WDR27: variants seen among roughly 807,000 people sequenced by gnomAD.
WDR27 encodes the protein WD repeat-containing protein 27.
WDR27 carries 100 observed loss-of-function variants against 114.4 expected under a neutral mutation model. The ratio of observed to expected loss-of-function variants is 0.87; its 90% confidence interval spans 0.74 to 1.03. The LOEUF (loss-of-function observed/expected upper bound fraction) is 1.03, where lower values mean the gene tolerates loss of function less well. Ranked by LOEUF, WDR27 falls within the 50% of genes least tolerant of loss-of-function variation. WDR27 has a pLI of 0.00. For missense variants in WDR27, 1,129 were observed against 1,092.9 expected (o/e 1.03, Z -0.47); for synonymous variants, 449 against 423.1 (o/e 1.06, Z -0.75).
intron 25 of WDR27, among the ~76,000 whole-genome samples, chr6:169,465,257 T>TAAAAA (rs1785412229): frequency 5.0e-5 from 1 of 19,904 alleles, no homozygotes. Flanking sequence ...AAACTCCATC[T>TAAAAA]CAAAAAAAAA....
At position 169,658,982 on chromosome 6, in the gene WDR27, C is replaced by T. The variant is rs144841572; in HGVS notation, c.1319+104G>A. ...GATTATAGGCGTGAGCCACCGCGCC[C>T]GGCCAGAGCTCAGAGTTTTCTAATC... is the stretch of plus-strand genomic sequence containing the variant. On this transcript the variant is annotated intron_variant, in intron 12 of 25. Transcript: ENST00000448612. 3.7e-4 allele frequency: 535 copies of T among 1,432,714 alleles called. 4 individuals are homozygous for T. In the East Asian group the frequency reaches 0.01, roughly 27 times the overall value. 88.8% of individuals were successfully genotyped at this position (1,432,714 alleles called of 1,614,324 possible).
At chr6:169,592,861 G>T (rs186733165) in intron 23 of WDR27, among the ~76,000 whole-genome samples, 1 of 152,252 alleles carries the variant, frequency 6.6e-6, no homozygotes, top group East Asian at 1.9e-4. Context: ...CTTTTACCGG[G>T]TGTTTTAGCA....
rs368918000 is a variant in WDR27 at position 169,657,569 on chromosome 6, G to C, written c.1402+707C>G. On this transcript the variant is annotated intron_variant, in intron 13 of 25. Transcript: ENST00000448612. ...GCCTCCGTTTTTCAAATGAGGTCCA[G>C]TAGGTTTCACAAGACCAATTAAAGG... Among the ~76,000 whole-genome samples, 11 of 152,222 alleles carry C rather than the reference G, an allele frequency of 7.2e-5. No homozygotes were observed. In the South Asian group the frequency reaches 2.3e-3, roughly 31 times the overall value.
At chr6:169,646,936 A>C (rs1282170710) in intron 16 of WDR27, among the ~76,000 whole-genome samples, 1 of 152,194 alleles carries the variant, frequency 6.6e-6, no homozygotes, top group Admixed American at 6.5e-5. Flanking sequence ...AATAAAATAA[A>C]GGGAATTTAG....
intron 8 of WDR27, among the ~76,000 whole-genome samples, 151 bp from the exon 9 acceptor site, chr6:169,662,575 C>G (rs1211254867): frequency 1.3e-5 from 2 of 152,022 alleles, no homozygotes; most frequent in Non-Finnish European, 2.9e-5. Context: ...AGGTAACACC[C>G]AGCATGACGC....
chr6:169,593,256 G>A (rs970727823), intron 23 of WDR27, among the ~76,000 whole-genome samples: 3 of 152,114 alleles, frequency 2.0e-5, no homozygotes, highest in Non-Finnish European at 2.9e-5. Flanking sequence ...ACATGGGCCT[G>A]GTACTATTTC....
At chr6:169,554,317 G>C (rs1406240035) in intron 25 of WDR27, among the ~76,000 whole-genome samples, 1 of 152,168 alleles carries the variant, frequency 6.6e-6, no homozygotes, top group Non-Finnish European at 1.5e-5. Flanking sequence ...CTAAGGGAAA[G>C]GTTGATGGTG....
At chr6:169,483,737 A>G (rs1788511449) in intron 25 of WDR27, among the ~76,000 whole-genome samples, 1 of 151,990 alleles carries the variant, frequency 6.6e-6, no homozygotes, top group Non-Finnish European at 1.5e-5. Flanking sequence ...AGAAAACTTC[A>G]GGCCAATATC....
At chr6:169,568,109 A>C (rs1800797726) in intron 25 of WDR27, among the ~76,000 whole-genome samples, 1 of 151,800 alleles carries the variant, frequency 6.6e-6, no homozygotes, top group South Asian at 2.1e-4. Flanking sequence ...GCTTGGGGAG[A>C]CCAGTGGTTC....
chr6:169,567,260 C>T (rs1222349127), intron 25 of WDR27, among the ~76,000 whole-genome samples: 4 of 152,206 alleles, frequency 2.6e-5, no homozygotes, highest in African/African-American at 9.6e-5. Flanking sequence ...ACCATTTGAA[C>T]GGGGCCCTTC....
At chr6:169,477,592 C>T (rs1316686063) in intron 25 of WDR27, among the ~76,000 whole-genome samples, 2 of 152,250 alleles carry the variant, frequency 1.3e-5, no homozygotes, top group Admixed American at 6.5e-5. Context: ...GCATGCACTA[C>T]CATGACCAGC....
chr6:169,659,731 C>G lies in WDR27; in HGVS notation c.1130-213G>C, dbSNP rs557461179. ...GCGCACACACCACACACACACCAGG[C>G]CCTGAGCGTCACACATGCCAGGCTC... On this transcript the variant is annotated intron_variant, in intron 10 of 25. Coordinates refer to ENST00000448612, the MANE Select transcript of WDR27 (RefSeq NM_182552.5). The surrounding 1 kb of genome is among the most constrained non-coding windows in gnomAD (Gnocchi z 4.3). Among the ~76,000 whole-genome samples, 1 of 152,224 alleles carries G rather than the reference C, an allele frequency of 6.6e-6. No individual in the cohort carries two copies. The highest frequency in any genetic ancestry group is 2.1e-4 in the South Asian group (1 of 4,814).
intron 25 of WDR27, among the ~76,000 whole-genome samples, chr6:169,505,692 G>A (rs560683741): frequency 6.6e-6 from 1 of 152,332 alleles, no homozygotes; most frequent in African/African-American, 2.4e-5. Flanking sequence ...CTGCGTAGAA[G>A]GCACACTGAA....
At chr6:169,636,549 C>T in intron 18 of WDR27, 45 bp from the exon 19 acceptor site, 1 of 1,535,964 alleles carries the variant, frequency 6.5e-7, no homozygotes, top group Admixed American at 2.0e-5. Flanking sequence ...TAAATGTTAA[C>T]AAAAACACTA....
At chr6:169,462,288 T>C (rs1332876444) in intron 25 of WDR27, among the ~76,000 whole-genome samples, 1 of 152,008 alleles carries the variant, frequency 6.6e-6, no homozygotes, top group Non-Finnish European at 1.5e-5. Context: ...TTACTAAAAA[T>C]TAGCCAGGTG....
intron 25 of WDR27, among the ~76,000 whole-genome samples, chr6:169,517,239 A>C (rs1377339329): frequency 1.3e-5 from 2 of 152,104 alleles, no homozygotes; most frequent in Admixed American, 6.5e-5. Flanking sequence ...CTTCACCTTC[A>C]TCCCTGAGTT....
intron 25 of WDR27, among the ~76,000 whole-genome samples, chr6:169,523,658 C>T (rs1435345027): frequency 3.3e-5 from 5 of 151,984 alleles, no homozygotes; most frequent in Non-Finnish European, 1.5e-5. Flanking sequence ...AAACAGGATA[C>T]ATCACATCAA....
chr6:169,499,249 G>T (rs2115471671), intron 25 of WDR27, among the ~76,000 whole-genome samples: 1 of 152,356 alleles, frequency 6.6e-6, no homozygotes, highest in East Asian at 1.9e-4. Flanking sequence ...CCCAGCGTCA[G>T]CACCGAGGGT....
At chr6:169,481,175 C>G (rs1158832707) in intron 25 of WDR27, among the ~76,000 whole-genome samples, 4 of 152,092 alleles carry the variant, frequency 2.6e-5, no homozygotes, top group Non-Finnish European at 5.9e-5. Context: ...TGCTCTGTGT[C>G]TAGCTAATCT....
Sources: gnomAD v4.1 joint callset for allele counts (sites outside exome capture counted in the v4.1 genomes callset) on GRCh38, gnomAD v4.1.1 for gene constraint, Gnocchi (gnomAD v3.1) non-coding constraint, MANE v1.5 for transcripts, NCBI Gene and HGNC (gene_info 2026-07-23, HGNC 2026-07-21) for gene names.